DNM3: variants seen among roughly 807,000 people sequenced by gnomAD.
DNM3 encodes dynamin 3, also known as dynamin-3.
DNM3 carries 47 observed loss-of-function variants against 101.6 expected under a neutral mutation model. That is an observed-to-expected ratio of 0.46 (90% CI 0.37 to 0.59). The LOEUF (loss-of-function observed/expected upper bound fraction) is 0.59. Among genes scored for constraint, DNM3 ranks in the 20% least tolerant of loss-of-function variants. The pLI is 0.00. For synonymous variants in DNM3, 385 were observed against 387.9 expected, an observed-to-expected ratio of 0.99 and a Z score of 0.09; for missense variants, 849 against 1,085.7, an observed-to-expected ratio of 0.78 and a Z score of 3.06.
chr1:172,234,311 C>T (rs1299128519), intron 14 of DNM3, among the ~76,000 whole-genome samples: 1 of 152,044 alleles, frequency 6.6e-6, no homozygotes, highest in East Asian at 1.9e-4. Context: ...AATAAAATAC[C>T]TAGGAATCCA....
chr1:171,898,900 C>G (rs2038055207), intron 1 of DNM3, among the ~76,000 whole-genome samples: 1 of 152,000 alleles, frequency 6.6e-6, no homozygotes. Context: ...TTCATTTTAA[C>G]TGTTGTTAGT....
Position 172,409,015 on chromosome 1 carries a change from GAAATCTAA to G in DNM3, c.*1176_*1183del, listed in dbSNP as rs1227840153. ...CTCCAGAAAAGGGTATTGAAACGTT[GAAATCTAA>G]AGCAAATTTGCAATTTCTTAAGATT... is the stretch of plus-strand genomic sequence containing the variant. On this transcript the variant is annotated 3_prime_UTR_variant, in exon 21 of 21. Transcript: ENST00000627582. 17 of 985,214 alleles carry G rather than the reference GAAATCTAA, an allele frequency of 1.7e-5. No individual in the cohort carries two copies. Among genetic ancestry groups the G allele is most frequent in the Non-Finnish European group, 1.7e-5 (14 of 829,884 alleles). The allele number at this position is 985,214 out of a possible 1,614,324, so 61.0% of individuals were successfully genotyped here.
At chr1:171,875,233 A>C (rs2035652884) in intron 1 of DNM3, among the ~76,000 whole-genome samples, 1 of 152,182 alleles carries the variant, frequency 6.6e-6, no homozygotes, top group Admixed American at 6.5e-5. Flanking sequence ...AAGTTCTTTG[A>C]GAAATATCCA....
chr1:172,022,362 T>C (rs2047905988), intron 4 of DNM3, among the ~76,000 whole-genome samples: 1 of 152,180 alleles, frequency 6.6e-6, no homozygotes, highest in Non-Finnish European at 1.5e-5. Flanking sequence ...TTTTAAGATC[T>C]ATCAATGTAG....
chr1:172,412,073 A>G lies in DNM3; in HGVS notation c.*4232A>G, dbSNP rs1410809597. Reference sequence around the variant, plus strand: ...TGTGTGTGTGTCTTTGTATATATGTAAGAATGTGTGTATGTGTGAGAGCAA... The same window carrying G: ...TGTGTGTGTGTCTTTGTATATATGTGAGAATGTGTGTATGTGTGAGAGCAA... On this transcript the variant is annotated 3_prime_UTR_variant, in exon 21 of 21. Transcript: ENST00000627582. The G allele has an allele frequency of 3.1e-5, 31 of 985,448 alleles. No individual in the cohort carries two copies. The highest frequency in any genetic ancestry group is 3.6e-5 in the Non-Finnish European group (30 of 829,762). 61.0% of individuals were successfully genotyped at this position (985,448 alleles called of 1,614,324 possible).
chr1:172,237,749 G>C lies in DNM3; in HGVS notation c.1660-15824G>C, dbSNP rs142328190. Among the ~76,000 whole-genome samples the C allele has an allele frequency of 2.0e-3, 299 of 152,116 alleles. 3 individuals are homozygous for C. Among genetic ancestry groups the C allele is most frequent in the African/African-American group, 6.4e-3 (264 of 41,496 alleles). ...ATGCTTATTGTTCTACATCAAAAAA[G>C]CCAACCAAAATTACAGGTTAAATTT... On this transcript the variant is annotated intron_variant, in intron 14 of 20. Transcript: ENST00000627582.
intron 9 of DNM3, among the ~76,000 whole-genome samples, chr1:172,045,606 T>G (rs1370694820): frequency 6.6e-6 from 1 of 152,166 alleles, no homozygotes; most frequent in Non-Finnish European, 1.5e-5. Flanking sequence ...CACAACAATT[T>G]CTTTAAAGAA....
chr1:172,053,383 G>A (rs1010753484), intron 10 of DNM3, among the ~76,000 whole-genome samples: 9 of 151,622 alleles, frequency 5.9e-5, no homozygotes, highest in African/African-American at 1.7e-4. Flanking sequence ...CTTCCTAAAG[G>A]GCCTCTGTGA....
chr1:172,183,446 A>C (rs1369169587), intron 14 of DNM3, among the ~76,000 whole-genome samples: 1 of 152,148 alleles, frequency 6.6e-6, no homozygotes, highest in Non-Finnish European at 1.5e-5. Context: ...TACCAGTATA[A>C]GGAAAATACA....
chr1:172,009,570 A>G (rs1034299636), intron 4 of DNM3, among the ~76,000 whole-genome samples: 1 of 151,852 alleles, frequency 6.6e-6, no homozygotes, highest in Non-Finnish European at 1.5e-5. Flanking sequence ...TCAAGTGTTC[A>G]ATAGCCACAT....
At position 172,032,166 on chromosome 1, in the gene DNM3, C is replaced by T. The variant is rs569034089; in HGVS notation, c.590-236C>T. Among the ~76,000 whole-genome samples the T allele has an allele frequency of 2.0e-3, 299 of 152,152 alleles. 3 individuals are homozygous for T. The highest frequency in any genetic ancestry group is 6.3e-3 in the African/African-American group (263 of 41,514). ...TTTCAAAATTATTTTTGTGCTATAG[C>T]TATTTGTTTTTCTCCCTTGGGTTGA... On this transcript the variant is annotated intron_variant, in intron 4 of 20. Coordinates refer to ENST00000627582, the MANE Select transcript of DNM3 (RefSeq NM_015569.5).
intron 2 of DNM3, among the ~76,000 whole-genome samples, chr1:171,926,060 T>C (rs1358832615): frequency 6.6e-6 from 1 of 152,216 alleles, no homozygotes; most frequent in Non-Finnish European, 1.5e-5. Context: ...CATTGATCTA[T>C]GTGTCTATTT....
At chr1:171,881,355 G>T (rs1341211034) in intron 1 of DNM3, among the ~76,000 whole-genome samples, 1 of 151,888 alleles carries the variant, frequency 6.6e-6, no homozygotes, top group Non-Finnish European at 1.5e-5. Context: ...TTATGATATT[G>T]GCCCTTCTTT....
intron 18 of DNM3, chr1:172,386,637 G>A (rs574163971): frequency 2.9e-4 from 45 of 154,556 alleles, no homozygotes; most frequent in South Asian, 6.0e-4. Context: ...CTTTTGAGAC[G>A]ACACTGAAAC....
At chr1:172,099,650 A>C (rs948807414) in intron 13 of DNM3, among the ~76,000 whole-genome samples, 1 of 152,202 alleles carries the variant, frequency 6.6e-6, no homozygotes, top group African/African-American at 2.4e-5. Flanking sequence ...AGGTTTTACT[A>C]AAATCAGAAA....
chr1:172,338,625 T>C (rs1010370308), intron 17 of DNM3, among the ~76,000 whole-genome samples: 65 of 152,312 alleles, frequency 4.3e-4, no homozygotes, highest in African/African-American at 1.5e-3. Context: ...GGAAGGATGA[T>C]ATAGAGAAGC....
At chr1:172,236,602 GAGGAAAAGGAA>G (rs779641247) in intron 14 of DNM3, among the ~76,000 whole-genome samples, 83 of 152,112 alleles carry the variant, frequency 5.5e-4, no homozygotes, top group Non-Finnish European at 9.9e-4. Context: ...GGAGAAGGAG[GAGGAAAAGGAA>G]AGGAAAAGGA....
At chr1:172,289,694 G>A in intron 15 of DNM3, 1 of 984,706 alleles carries the variant, frequency 1.0e-6, no homozygotes, top group Non-Finnish European at 1.2e-6. Context: ...ACCTGATTGT[G>A]ATTTTGTCTC....
At position 172,410,575 on chromosome 1, in the gene DNM3, C is replaced by T. The variant is rs950703556; in HGVS notation, c.*2734C>T. 2 of 984,466 alleles carry T rather than the reference C, an allele frequency of 2.0e-6. No individual in the cohort carries two copies. The highest frequency in any genetic ancestry group is 2.4e-6 in the Non-Finnish European group (2 of 829,106). The allele number at this position is 984,466 out of a possible 1,614,324, so 61.0% of individuals were successfully genotyped here. A position where few individuals can be genotyped will look rare whatever the true frequency, so the allele number is the denominator to read the frequency against. On this transcript the variant is annotated 3_prime_UTR_variant, in exon 21 of 21. Coordinates refer to ENST00000627582, the MANE Select transcript of DNM3 (RefSeq NM_015569.5). ...TAACCATTTACTCAATTATGGACAG[C>T]TTATTGAAATAGTATTGATTTAGAA... is the stretch of plus-strand genomic sequence containing the variant.
Sources: allele counts gnomAD v4.1 joint callset (sites outside exome capture counted in the v4.1 genomes callset), GRCh38; gene constraint gnomAD v4.1.1; transcripts MANE v1.5; gene names NCBI Gene and HGNC (gene_info 2026-07-23, HGNC 2026-07-21).